The following CABCOCO1 variants were observed in gnomAD, a reference collection of about 807,000 sequenced individuals.
CABCOCO1 encodes ciliary associated calcium binding coiled-coil 1, also known as ciliary-associated calcium-binding coiled-coil protein 1.
CABCOCO1 carries 28 observed loss-of-function variants against 35.7 expected under a neutral mutation model. The observed-to-expected ratio is 0.78, with a 90% CI of 0.58 to 1.07. CABCOCO1 has a LOEUF of 1.07. CABCOCO1 is among the 50% of genes least tolerant of loss of function. The pLI, the probability that CABCOCO1 is intolerant of heterozygous loss-of-function variation, is 0.00. For missense variants in CABCOCO1, 326 were observed against 309.2 expected (o/e 1.05, Z -0.41); for synonymous variants, 95 against 100.1 (o/e 0.95, Z 0.30).
chr10:61,715,602 T>C (rs1403009099), intron 5 of CABCOCO1, among the ~76,000 whole-genome samples: 1 of 152,222 alleles, frequency 6.6e-6, no homozygotes, highest in Non-Finnish European at 1.5e-5. Context: ...AGTTTCTTCA[T>C]AGCATCGATG....
chr10:61,718,279 A>G (rs958467378), intron 5 of CABCOCO1, among the ~76,000 whole-genome samples: 2 of 152,126 alleles, frequency 1.3e-5, no homozygotes, highest in African/African-American at 4.8e-5. Flanking sequence ...CATGAACATT[A>G]TGATGTATGT....
In CABCOCO1 at chr10:61,762,617, T is replaced by C. The variant is rs540804416; in HGVS notation, c.816+1614T>C. Among the ~76,000 whole-genome samples the C allele has an allele frequency of 3.3e-5, 5 of 152,240 alleles. No individual in the cohort carries two copies. The East Asian group carries it at 9.6e-4, about 29-fold the overall frequency. ...ATGGCAAACCCCTTTATGTATTTTC[T>C]ATCAGTAATCCTAGTAAACTCCATG... is the stretch of plus-strand genomic sequence containing the variant. On this transcript the variant is annotated intron_variant, in intron 7 of 7. Transcript: ENST00000648843.
intron 5 of CABCOCO1, among the ~76,000 whole-genome samples, chr10:61,706,104 T>C (rs1840586252): frequency 1.3e-5 from 2 of 152,232 alleles, no homozygotes; most frequent in South Asian, 2.1e-4. Context: ...TAAAGGATGA[T>C]ATAAATAATA....
chr10:61,701,870 G>T, intron 5 of CABCOCO1: 3 of 898,094 alleles, frequency 3.3e-6, no homozygotes, highest in Non-Finnish European at 4.0e-6. Flanking sequence ...TAAAGGACTA[G>T]CAAGATAAAG....
At chr10:61,699,566 T>TA (rs1349472062) in intron 5 of CABCOCO1, among the ~76,000 whole-genome samples, 1 of 152,108 alleles carries the variant, frequency 6.6e-6, no homozygotes, top group Non-Finnish European at 1.5e-5. Flanking sequence ...AGGCTGTTCT[T>TA]ACTGCCTGAA....
At chr10:61,760,730 C>G (rs1334417470) in intron 6 of CABCOCO1, 133 bp from the exon 7 acceptor site, 1 of 1,041,798 alleles carries the variant, frequency 9.6e-7, no homozygotes, top group East Asian at 2.6e-5. Flanking sequence ...TGTAACAAAC[C>G]TACACACTTT....
At chr10:61,690,704 A>T in intron 5 of CABCOCO1, 83 bp downstream of exon 5, 1 of 831,366 alleles carries the variant, frequency 1.2e-6, no homozygotes, top group South Asian at 1.7e-5. Flanking sequence ...AACTGCTTAA[A>T]GCAACTTCTT....
chr10:61,685,339 C>T (rs1001771865), intron 3 of CABCOCO1: 1 of 152,352 alleles, frequency 6.6e-6, no homozygotes. Context: ...CTGAACCTCC[C>T]ATCTAAGTCT....
intron 1 of CABCOCO1, among the ~76,000 whole-genome samples, chr10:61,667,110 A>G (rs975245109): frequency 1.4e-5 from 2 of 143,928 alleles, no homozygotes; most frequent in Non-Finnish European, 3.0e-5. Flanking sequence ...ATATATAAAT[A>G]TAATTATATA....
intron 3 of CABCOCO1, among the ~76,000 whole-genome samples, chr10:61,681,798 A>C (rs1414342891): frequency 6.6e-6 from 1 of 152,152 alleles, no homozygotes; most frequent in Non-Finnish European, 1.5e-5. Flanking sequence ...TTTATAAAAG[A>C]AGCAAAAATA....
chr10:61,705,883 C>T (rs1050199340), intron 5 of CABCOCO1, among the ~76,000 whole-genome samples: 4 of 152,206 alleles, frequency 2.6e-5, no homozygotes, highest in Non-Finnish European at 5.9e-5. Context: ...CTAATGTCCA[C>T]AAGCTTAACC....
chr10:61,677,532 C>A (rs1391933214), intron 2 of CABCOCO1, among the ~76,000 whole-genome samples: 1 of 151,808 alleles, frequency 6.6e-6, no homozygotes, highest in Non-Finnish European at 1.5e-5. Flanking sequence ...CAGTCTGCAG[C>A]TTGTCTTTTC....
At chr10:61,690,784 G>A (rs946504869) in intron 5 of CABCOCO1, among the ~76,000 whole-genome samples, 163 bp downstream of exon 5, 9 of 152,144 alleles carry the variant, frequency 5.9e-5, no homozygotes, top group South Asian at 4.1e-4. Flanking sequence ...TAAAGTGATC[G>A]TTGCATTAGG....
In CABCOCO1 at chr10:61,686,026, T is replaced by C. The variant is rs754539555; in HGVS notation, c.335-15T>C. On this transcript the variant is annotated splice_polypyrimidine_tract_variant and intron_variant, in intron 3 of 7. Coordinates refer to ENST00000648843, the MANE Select transcript of CABCOCO1 (RefSeq NM_001366906.2). ...ATCAAAATAATAATTAAGATTTCTC[T>C]GGATTTTATTTCAGCACTACATATG... 2 of 1,580,286 alleles carry C rather than the reference T, an allele frequency of 1.3e-6. No homozygotes were observed. The highest frequency in any genetic ancestry group is 2.3e-5 in the East Asian group (1 of 43,750).
intron 2 of CABCOCO1, among the ~76,000 whole-genome samples, chr10:61,679,930 T>A (rs1037942574): frequency 4.0e-5 from 6 of 151,582 alleles, no homozygotes; most frequent in Non-Finnish European, 7.4e-5. Context: ...GAAAAGAAAA[T>A]AGACTTGAAA....
rs931380434 is a variant in CABCOCO1, at chr10:61,735,245, C to T, written c.553-24814C>T. Among the ~76,000 whole-genome samples the T allele has an allele frequency of 7.9e-5, 12 of 152,056 alleles. No individual in the cohort carries two copies. In the South Asian group the frequency reaches 8.3e-4, roughly 11 times the overall value. Reference sequence around the variant, plus strand: ...AAGTCAAAAGAGAATGTGTGGGGCTCAGAACACATCCTCTCCAGAAATCTA... The same window carrying T: ...AAGTCAAAAGAGAATGTGTGGGGCTTAGAACACATCCTCTCCAGAAATCTA... On this transcript the variant is annotated intron_variant, in intron 5 of 7. Coordinates refer to ENST00000648843, the MANE Select transcript of CABCOCO1 (RefSeq NM_001366906.2).
At position 61,760,171 on chromosome 10, in the gene CABCOCO1, C is replaced by T. The variant is rs142705866; in HGVS notation, c.665C>T (p.Thr222Met). ...ATAGAGCCCCCCACAATATTGGATA[C>T]GGAAATGAAGGTATATTTCTTTTTG... is the stretch of plus-strand genomic sequence containing the variant. ...TFIEPPTILDTEMKRLDQEQG... is the reference protein window; with the variant it reads ...TFIEPPTILDMEMKRLDQEQG... The change falls in exon 6 of 8, where the codon ACG becomes ATG. Residue 222 changes from threonine (T) to methionine (M), a missense_variant. Thr to Met is a moderately conservative substitution (Grantham distance 81, BLOSUM62 -1). Transcript: ENST00000648843. 162 of 1,610,614 alleles carry T rather than the reference C, an allele frequency of 1.0e-4. No individual in the cohort carries two copies. The African/African-American group carries it at 1.3e-3, about 13-fold the overall frequency.
intron 5 of CABCOCO1, among the ~76,000 whole-genome samples, chr10:61,702,125 G>A (rs1023005321): frequency 6.6e-6 from 1 of 152,060 alleles, no homozygotes; most frequent in East Asian, 1.9e-4. Flanking sequence ...AGAGATAATA[G>A]GTTACATCTT....
At chr10:61,760,023 G>A (rs1408965152) in intron 5 of CABCOCO1, 36 bp from the exon 6 acceptor site, 1 of 1,610,596 alleles carries the variant, frequency 6.2e-7, no homozygotes, top group Non-Finnish European at 8.5e-7. Flanking sequence ...GCTCACCAAA[G>A]GCTCTGTCAT....
Sources: allele counts gnomAD v4.1 joint callset (sites outside exome capture counted in the v4.1 genomes callset), GRCh38; gene constraint gnomAD v4.1.1; transcripts MANE v1.5; gene names NCBI Gene and HGNC (gene_info 2026-07-23, HGNC 2026-07-21).